SEMA6D: variants seen among roughly 807,000 people sequenced by gnomAD.
SEMA6D encodes semaphorin-6D.
Under a neutral mutation model 106.6 loss-of-function variants are expected in SEMA6D, and 35 were observed. That is an observed-to-expected ratio of 0.33 (90% CI 0.25 to 0.44). The LOEUF (loss-of-function observed/expected upper bound fraction) is 0.44, where lower values mean the gene tolerates loss of function less well. SEMA6D is among the 20% of genes least tolerant of loss of function. The pLI, the probability that SEMA6D is intolerant of heterozygous loss-of-function variation, is 1.00. For synonymous variants in SEMA6D, 499 were observed against 487.7 expected (o/e 1.02, Z -0.31); for missense variants, 1,185 against 1,345.9 (o/e 0.88, Z 1.87).
intron 3 of SEMA6D, among the ~76,000 whole-genome samples, chr15:47,505,543 C>T (rs551074285): frequency 1.3e-5 from 2 of 152,240 alleles, no homozygotes; most frequent in African/African-American, 4.8e-5. Flanking sequence ...GTAACATTTC[C>T]TAAGTGTTAT....
intron 3 of SEMA6D, among the ~76,000 whole-genome samples, chr15:47,564,597 A>G (rs1217355050): frequency 6.6e-6 from 1 of 152,166 alleles, no homozygotes; most frequent in Non-Finnish European, 1.5e-5. Context: ...CTGAAGAAAC[A>G]CAAATATGTT....
chr15:47,742,118 G>A (rs764291101), intron 1 of SEMA6D, among the ~76,000 whole-genome samples: 39 of 152,214 alleles, frequency 2.6e-4, no homozygotes, highest in Non-Finnish European at 3.5e-4. Flanking sequence ...AACTGCAGCC[G>A]TGGAAATAAG....
At chr15:47,566,464 G>T (rs2046231612) in intron 3 of SEMA6D, among the ~76,000 whole-genome samples, 1 of 152,222 alleles carries the variant, frequency 6.6e-6, no homozygotes, top group East Asian at 1.9e-4. Context: ...TGCAAAATGT[G>T]CATGCATCAG....
intron 2 of SEMA6D, among the ~76,000 whole-genome samples, chr15:47,438,395 A>G (rs559171386): frequency 6.6e-6 from 1 of 152,130 alleles, no homozygotes; most frequent in East Asian, 1.9e-4. Flanking sequence ...AGATATTACT[A>G]CTTCTCTACT....
At chr15:47,712,374 A>T (rs1425099815) in intron 4 of SEMA6D, among the ~76,000 whole-genome samples, 1 of 152,196 alleles carries the variant, frequency 6.6e-6, no homozygotes, top group East Asian at 1.9e-4. Context: ...ACAAACCGGG[A>T]TTAGAATCTA....
intron 1 of SEMA6D, among the ~76,000 whole-genome samples, chr15:47,212,050 T>C (rs1014018762): frequency 2.0e-5 from 3 of 152,124 alleles, no homozygotes; most frequent in African/African-American, 4.8e-5. Flanking sequence ...TGAGATTCTT[T>C]CTGATATTAA....
chr15:47,535,495 A>T (rs2045131925), intron 3 of SEMA6D, among the ~76,000 whole-genome samples: 1 of 152,252 alleles, frequency 6.6e-6, no homozygotes, highest in South Asian at 2.1e-4. Flanking sequence ...GTGGATCTAG[A>T]TATTTCTTGA....
In SEMA6D at chr15:47,200,987, G is replaced by C. The variant is rs527322928; in HGVS notation, c.-239+16569G>C. 1.1e-4 allele frequency among the ~76,000 whole-genome samples: 16 copies of C among 152,296 alleles called. No individual in the cohort carries two copies. The South Asian group carries it at 2.9e-3, about 28-fold the overall frequency. On this transcript the variant is annotated intron_variant, in intron 1 of 19. Coordinates refer to the SEMA6D transcript ENST00000558014. ...AAGAGAGAGGGAGAAGCCAGGGTGG[G>C]CATGAAGAGCCAGTATGTAAGCTGT...
intron 1 of SEMA6D, among the ~76,000 whole-genome samples, chr15:47,228,368 G>T (rs2031955800): frequency 6.6e-6 from 1 of 151,794 alleles, no homozygotes; most frequent in African/African-American, 2.4e-5. Flanking sequence ...CTTTCCTTGG[G>T]TTAATCTATG....
At chr15:47,292,951 A>T (rs1265725336) in intron 1 of SEMA6D, among the ~76,000 whole-genome samples, 2 of 152,160 alleles carry the variant, frequency 1.3e-5, no homozygotes. Flanking sequence ...CTGGCTGTGC[A>T]GTCTGTTTCC....
At chr15:47,574,198 T>A (rs1344377301) in intron 3 of SEMA6D, among the ~76,000 whole-genome samples, 1 of 152,202 alleles carries the variant, frequency 6.6e-6, no homozygotes, top group Non-Finnish European at 1.5e-5. Flanking sequence ...ACCTGTAAAG[T>A]TGGTCTGCTG....
chr15:47,189,575 G>C (rs1231872553), intron 1 of SEMA6D, among the ~76,000 whole-genome samples: 1 of 152,124 alleles, frequency 6.6e-6, no homozygotes, highest in African/African-American at 2.4e-5. Context: ...TTAGGCTAAG[G>C]CCAAAAACTC....
intron 3 of SEMA6D, among the ~76,000 whole-genome samples, chr15:47,526,792 A>G (rs1342950100): frequency 6.6e-6 from 1 of 151,744 alleles, no homozygotes; most frequent in Non-Finnish European, 1.5e-5. Context: ...GCTGGAGTGT[A>G]GTGGCGTGAT....
intron 1 of SEMA6D, among the ~76,000 whole-genome samples, chr15:47,409,810 C>T (rs970053558): frequency 6.6e-6 from 1 of 151,894 alleles, no homozygotes; most frequent in Non-Finnish European, 1.5e-5. Flanking sequence ...CTGATGCAAG[C>T]CCTGGACATG....
At chr15:47,582,402 C>A (rs552382401) in intron 3 of SEMA6D, among the ~76,000 whole-genome samples, 1 of 152,152 alleles carries the variant, frequency 6.6e-6, no homozygotes, top group Admixed American at 6.5e-5. Flanking sequence ...CAAAGCCAGT[C>A]GGAAGACAAA....
upstream of SEMA6D, among the ~76,000 whole-genome samples, chr15:47,713,831 C>A (rs147509064): frequency 3.4e-3 from 510 of 152,226 alleles, 3 homozygotes; most frequent in African/African-American, 0.012. Context: ...ACATTTATTG[C>A]AAACCTATTG....
At chr15:47,767,569 A>G (rs1469282684) in intron 17 of SEMA6D, 1 of 152,200 alleles carries the variant, frequency 6.6e-6, no homozygotes, top group Non-Finnish European at 1.5e-5. Flanking sequence ...GGAATCTTTG[A>G]ATGTTGTGGT....
chr15:47,312,146 G>GTTTT (rs55676647), intron 1 of SEMA6D, among the ~76,000 whole-genome samples: 60,404 of 141,876 alleles, frequency 0.43, 14,821 homozygotes, highest in Non-Finnish European at 0.56. Context: ...TCTTTCTAGG[G>GTTTT]TTTTTTTTTT....
chr15:47,714,729 G>A (rs1026159146), upstream of SEMA6D, among the ~76,000 whole-genome samples: 25 of 152,196 alleles, frequency 1.6e-4, no homozygotes, highest in Non-Finnish European at 7.3e-5. Context: ...TCTCATGCCA[G>A]TACTTTGCTG....
Sources: allele counts gnomAD v4.1 joint callset (sites outside exome capture counted in the v4.1 genomes callset), GRCh38; gene constraint gnomAD v4.1.1; transcripts MANE v1.5; gene names NCBI Gene and HGNC (gene_info 2026-07-23, HGNC 2026-07-21).